RB1: variants seen among roughly 807,000 people sequenced by gnomAD.
RB1 encodes the protein RB transcriptional corepressor 1.
In RB1, 18 loss-of-function variants were observed where a neutral mutation model predicts 135.4. The ratio of observed to expected loss-of-function variants is 0.13; its 90% CI spans 0.09 to 0.20. The LOEUF (loss-of-function observed/expected upper bound fraction) is 0.20, where lower values mean the gene tolerates loss of function less well. RB1 is among the 10% of genes least tolerant of loss of function. RB1 has a pLI of 1.00. For synonymous variants in RB1, 365 were observed against 373.2 expected (o/e 0.98, Z 0.25); for missense variants, 868 against 1,110.0 (o/e 0.78, Z 3.10).
In RB1 at chr13:48,476,800, A is replaced by C. The variant is rs757818801; in HGVS notation, c.2620A>C (p.Lys874Gln). The C allele has an allele frequency of 1.9e-5, 31 of 1,613,642 alleles. No homozygotes were observed. The highest frequency in any genetic ancestry group is 2.6e-5 in the Non-Finnish European group (31 of 1,179,718). The change falls in exon 25 of 27, where the codon AAA becomes CAA. Residue 874 changes from lysine (K) to glutamine (Q), a missense_variant. By Grantham distance (53) the Lys-to-Gln change is moderately conservative (BLOSUM62 1). Around this residue, in one of 3 missense-constraint regions of RB1, gnomAD observed 196 missense variants for 239.8 expected, o/e 0.82. Transcript: ENST00000267163. Reference protein sequence around the residue: ...EGSNPPKPLKKLRFDIEGSDE... With the variant: ...EGSNPPKPLKQLRFDIEGSDE... ...AAGCAACCCTCCTAAACCACTGAAA[A>C]AACTACGCTTTGATATTGAAGGATC...
In RB1 at chr13:48,412,288, G is replaced by C. The variant is rs1188144318; in HGVS notation, c.1695+30845G>C. ...GTTGTAGTTTCATTTCGGACTTTGA[G>C]GACGCAGATGAAAATGTATATGGCA... On this transcript the variant is annotated intron_variant, in intron 17 of 26. Transcript: ENST00000267163. 5 of 1,613,706 alleles carry C rather than the reference G, an allele frequency of 3.1e-6. No homozygotes were observed. In the Admixed American group the frequency reaches 5.0e-5, roughly 16 times the overall value.
chr13:48,355,582 G>A (rs556195612), intron 6 of RB1, among the ~76,000 whole-genome samples: 6 of 152,204 alleles, frequency 3.9e-5, no homozygotes, highest in East Asian at 1.9e-4. Context: ...TATACCCAAC[G>A]AAAGGAAGTC....
intron 2 of RB1, among the ~76,000 whole-genome samples, chr13:48,328,883 C>T (rs1188403747): frequency 1.3e-5 from 2 of 152,112 alleles, no homozygotes; most frequent in Non-Finnish European, 2.9e-5. Flanking sequence ...TTAAATATCT[C>T]TCCATTCTAT....
intron 17 of RB1, among the ~76,000 whole-genome samples, chr13:48,450,984 A>G (rs1949323556): frequency 1.3e-5 from 2 of 151,932 alleles, no homozygotes; most frequent in Non-Finnish European, 2.9e-5. Flanking sequence ...TTGCTTGCTT[A>G]TTGTTGGTGT....
In RB1 at chr13:48,304,061, G is replaced by C. The variant is rs574145040; in HGVS notation, c.137+12G>C. 2.1e-6 allele frequency: 3 copies of C among 1,416,830 alleles called. No individual in the cohort carries two copies. Among genetic ancestry groups the C allele is most frequent in the Non-Finnish European group, 2.7e-6 (3 of 1,094,312 alleles). The allele number at this position is 1,416,830 out of a possible 1,614,324, so 87.8% of individuals were successfully genotyped here. On this transcript the variant is annotated intron_variant, in intron 1 of 26. Coordinates refer to ENST00000267163, the MANE Select transcript of RB1 (RefSeq NM_000321.3). ...CTGCCTCTCGTCAGGTGAGCGAGCA[G>C]AGCCGCCGTCGCCTCACGCGGGAAG...
chr13:48,390,489 A>G (rs1013152396), intron 17 of RB1, among the ~76,000 whole-genome samples: 2 of 152,170 alleles, frequency 1.3e-5, no homozygotes, highest in African/African-American at 2.4e-5. Flanking sequence ...AATAAAGACT[A>G]ATGTCTTCAG....
chr13:48,369,951 G>C (rs764383332), intron 11 of RB1, among the ~76,000 whole-genome samples: 6 of 152,006 alleles, frequency 3.9e-5, no homozygotes, highest in Non-Finnish European at 8.8e-5. Context: ...TTTGTTCACT[G>C]TCTAATAATT....
Position 48,337,580 on chromosome 13 carries a change from C to T in RB1, c.265-5019C>T, listed in dbSNP as rs542154239. 4.5e-4 allele frequency among the ~76,000 whole-genome samples: 68 copies of T among 152,274 alleles called. 1 individual carries two copies. Among genetic ancestry groups the T allele is most frequent in the African/African-American group, 1.6e-3 (68 of 41,550 alleles). On this transcript the variant is annotated intron_variant, in intron 2 of 26. Transcript: ENST00000267163. ...TTTTGAGCCTATGTGTGTCTCTGCA[C>T]GTGAGATGGATCTCCTGAATACAGC...
chr13:48,431,915 T>G (rs1566224224), intron 17 of RB1, among the ~76,000 whole-genome samples: 1 of 152,180 alleles, frequency 6.6e-6, no homozygotes, highest in Non-Finnish European at 1.5e-5. Context: ...TAGCAAAATA[T>G]TTATTGAGTG....
intron 13 of RB1, among the ~76,000 whole-genome samples, chr13:48,379,349 A>C (rs1180851169): frequency 1.3e-5 from 2 of 152,136 alleles, no homozygotes; most frequent in African/African-American, 4.8e-5. Context: ...ATTTGTAAGA[A>C]GGGTGAGAAG....
At chr13:48,410,448 C>A (rs1032518932) in intron 17 of RB1, among the ~76,000 whole-genome samples, 1 of 152,090 alleles carries the variant, frequency 6.6e-6, no homozygotes, top group Non-Finnish European at 1.5e-5. Flanking sequence ...GTTTGCACGA[C>A]ATAATTACCT....
intron 2 of RB1, among the ~76,000 whole-genome samples, chr13:48,338,720 G>A (rs1302651641): frequency 3.3e-5 from 5 of 152,318 alleles, no homozygotes; most frequent in South Asian, 4.1e-4. Flanking sequence ...CGTTGCTAGC[G>A]AGGAGCTGCG....
intron 17 of RB1, chr13:48,412,877 CTTATT>C (rs1948841432): frequency 5.5e-6 from 1 of 183,318 alleles, no homozygotes; most frequent in African/African-American, 2.4e-5. Context: ...AGTTATCAAT[CTTATT>C]TTCTTTTCAG....
chr13:48,367,590 G>C lies in RB1; in HGVS notation c.1036G>C (p.Asp346His), dbSNP rs2138121489. ...GGATCATGATAAAACTCTTCAGACT[G>C]ATTCTATAGACAGGTATTGCACATG... ...FLDHDKTLQT[D>H]SIDSFETQRT... is the part of the protein sequence containing the mutation. The change falls in exon 10 of 27, where the codon GAT (aspartate) becomes CAT (histidine). Residue 346 changes from aspartate to histidine, a missense_variant. This residue lies in a region of RB1 where 641 missense variants were observed against 791.3 expected (regional missense o/e 0.81). Coordinates refer to ENST00000267163, the MANE Select transcript of RB1 (RefSeq NM_000321.3). 1.9e-6 allele frequency: 3 copies of C among 1,603,950 alleles called. No individual in the cohort carries two copies. The highest frequency in any genetic ancestry group is 2.6e-6 in the Non-Finnish European group (3 of 1,173,816).
chr13:48,465,897 A>G (rs1439175112), intron 23 of RB1, among the ~76,000 whole-genome samples: 2 of 149,374 alleles, frequency 1.3e-5, no homozygotes, highest in African/African-American at 4.9e-5. Flanking sequence ...CACCTGGCTC[A>G]GAGGGTCCTA....
At chr13:48,354,777 T>A (rs949414415) in intron 6 of RB1, among the ~76,000 whole-genome samples, 5 of 151,962 alleles carry the variant, frequency 3.3e-5, no homozygotes, top group African/African-American at 1.2e-4. Flanking sequence ...ATGCCTACAG[T>A]GAACTCATTT....
chr13:48,442,522 C>T (rs1342381890), intron 17 of RB1, among the ~76,000 whole-genome samples: 1 of 152,102 alleles, frequency 6.6e-6, no homozygotes, highest in African/African-American at 2.4e-5. Flanking sequence ...AGGTAACTTT[C>T]CTACTGTACT....
intron 6 of RB1, among the ~76,000 whole-genome samples, chr13:48,357,875 G>A (rs9595894): frequency 0.042 from 6,342 of 152,178 alleles, 270 homozygotes; most frequent in African/African-American, 0.099. Flanking sequence ...ATGATATTAC[G>A]TGCTAGGTTA....
Position 48,481,667 on chromosome 13 carries a change from A to G in RB1, c.*1596A>G. The G allele has an allele frequency of 8.7e-6, 2 of 231,158 alleles. No individual in the cohort carries two copies. Among genetic ancestry groups the G allele is most frequent in the Non-Finnish European group, 1.7e-5 (2 of 116,584 alleles). 14.3% of individuals were successfully genotyped at this position (231,158 alleles called of 1,614,324 possible). ...CAGTTAGTTTTTAGGTCAAGGGCTTACTATTTCTGGGTCTTTTGCTACTAA... is the reference window on the plus strand; with the variant it reads ...CAGTTAGTTTTTAGGTCAAGGGCTTGCTATTTCTGGGTCTTTTGCTACTAA... On this transcript the variant is annotated 3_prime_UTR_variant, in exon 27 of 27. Transcript: ENST00000267163.
Sources: allele counts gnomAD v4.1 joint callset (sites outside exome capture counted in the v4.1 genomes callset), GRCh38; gene constraint gnomAD v4.1.1; regional missense constraint gnomAD v4.1.1; transcripts MANE v1.5; gene names NCBI Gene and HGNC (gene_info 2026-07-23, HGNC 2026-07-21).